The following ZNF626 variants were observed in gnomAD, a reference collection of about 807,000 sequenced individuals.
ZNF626 encodes the protein CTC-513N18.7.
In ZNF626, 4 loss-of-function variants were observed where a neutral mutation model predicts 11.7. The observed-to-expected ratio is 0.34, with a 90% CI of 0.17 to 0.78. The LOEUF is 0.78. Among genes scored for constraint, ZNF626 ranks in the 30% least tolerant of loss-of-function variants. The pLI is 0.57. For synonymous variants in ZNF626, 179 were observed against 198.6 expected, an observed-to-expected ratio of 0.90 and a Z score of 0.83; for missense variants, 588 against 587.1, an observed-to-expected ratio of 1.00 and a Z score of -0.01.
intron 1 of ZNF626, 92 bp downstream of exon 1, chr19:20,661,352 A>G: frequency 1.3e-6 from 2 of 1,515,208 alleles, no homozygotes; most frequent in Admixed American, 3.3e-5. Flanking sequence ...TGTGGAGCTG[A>G]CTGCGGGGAG....
chr19:20,648,594 C>T lies in ZNF626; in HGVS notation c.4-2189G>A, dbSNP rs539228110. Among the ~76,000 whole-genome samples the T allele has an allele frequency of 2.6e-4, 40 of 152,220 alleles. No individual in the cohort carries two copies. In the South Asian group the frequency reaches 8.3e-3, roughly 32 times the overall value. ...GTTTCACCATGTTGACCAGGATGGT[C>T]TTGATCTCCTGCATGATCCACCTGC... On this transcript the variant is annotated intron_variant, in intron 1 of 3. Coordinates refer to ENST00000601440, the MANE Select transcript of ZNF626 (RefSeq NM_001076675.3).
intron 3 of ZNF626, among the ~76,000 whole-genome samples, chr19:20,628,015 T>C (rs991502143): frequency 5.3e-5 from 8 of 152,160 alleles, no homozygotes; most frequent in Non-Finnish European, 1.0e-4. Context: ...CACCTATTAG[T>C]GAGAACATGC....
Position 20,661,553 on chromosome 19 carries a change from T to C in ZNF626, c.-107A>G, listed in dbSNP as rs1332341028. ...TTAGGAGAAGAACCAGACCTGGAGC[T>C]CTGACTGCAGCGAGAGACAAAGGCC... is the stretch of plus-strand genomic sequence containing the variant. On this transcript the variant is annotated 5_prime_UTR_variant, in exon 1 of 4. Coordinates refer to ENST00000601440, the MANE Select transcript of ZNF626 (RefSeq NM_001076675.3). The C allele has an allele frequency of 7.7e-7, 1 of 1,296,590 alleles. No individual in the cohort carries two copies. The highest frequency in any genetic ancestry group is 1.1e-6 in the Non-Finnish European group (1 of 922,252). 80.3% of individuals were successfully genotyped at this position (1,296,590 alleles called of 1,614,324 possible). A position where few individuals can be genotyped will look rare whatever the true frequency, so the allele number is the denominator to read the frequency against.
At chr19:20,659,245 A>ATT (rs1210047844) in intron 1 of ZNF626, among the ~76,000 whole-genome samples, 1 of 147,880 alleles carries the variant, frequency 6.8e-6, no homozygotes, top group African/African-American at 2.5e-5. Context: ...GGTCAAAATA[A>ATT]TTTTTTTTTT....
chr19:20,636,983 G>A (rs115358525), intron 3 of ZNF626, among the ~76,000 whole-genome samples: 3,205 of 131,604 alleles, frequency 0.024, 134 homozygotes, highest in African/African-American at 0.09. Context: ...ATCATGCCAC[G>A]GTACTCCAGC....
At chr19:20,634,849 T>C (rs933064432) in intron 3 of ZNF626, among the ~76,000 whole-genome samples, 2 of 151,314 alleles carry the variant, frequency 1.3e-5, no homozygotes, top group Admixed American at 6.6e-5. Flanking sequence ...CAATTTCTGA[T>C]TTCTAAACAC....
intron 1 of ZNF626, among the ~76,000 whole-genome samples, chr19:20,658,115 A>G (rs1555773317): frequency 6.6e-6 from 1 of 152,178 alleles, no homozygotes; most frequent in African/African-American, 2.4e-5. Context: ...AAAAAAAGAA[A>G]AAAAAAAAAT....
chr19:20,642,550 C>T (rs1331258414), intron 3 of ZNF626, among the ~76,000 whole-genome samples: 2 of 152,060 alleles, frequency 1.3e-5, no homozygotes, highest in South Asian at 2.1e-4. Flanking sequence ...GAGCTGAGAT[C>T]GCGCCAGTGC....
In ZNF626 at chr19:20,624,323, T is replaced by G. The variant is rs1199499496; in HGVS notation, c.1554A>C (p.Ser518=). The change falls in exon 4 of 4, where the codon TCA becomes TCC. Residue 518 remains serine (S), a synonymous_variant. Coordinates refer to ENST00000601440, the MANE Select transcript of ZNF626 (RefSeq NM_001076675.3). ...TGTGTAGTAAGGTGTGAGGACCGCT[T>G]GAAGGCTTTGCCACATTCTTCACAT... The part of the protein sequence containing the change: ...STNVKNVAKP[S]SGPHTLLHIR 6.2e-7 allele frequency: 1 copy of G among 1,612,854 alleles called. No individual in the cohort carries two copies. Among genetic ancestry groups the G allele is most frequent in the African/African-American group, 1.3e-5 (1 of 74,754 alleles).
chr19:20,629,104 A>G (rs1969873485), intron 3 of ZNF626, among the ~76,000 whole-genome samples: 3 of 152,054 alleles, frequency 2.0e-5, no homozygotes, highest in East Asian at 1.9e-4. Flanking sequence ...GGTAAGCGGC[A>G]TTATTTCTGA....
intron 3 of ZNF626, among the ~76,000 whole-genome samples, chr19:20,627,477 T>C (rs1969851139): frequency 1.3e-5 from 2 of 151,076 alleles, no homozygotes; most frequent in South Asian, 4.2e-4. Context: ...CCTGGAAAAA[T>C]ACCAATACAA....
At position 20,625,402 on chromosome 19, in the gene ZNF626, T is replaced by C. The variant is rs1969815828; in HGVS notation, c.475A>G (p.Asn159Asp). 5 of 1,614,138 alleles carry C rather than the reference T, an allele frequency of 3.1e-6. No homozygotes were observed. The highest frequency in any genetic ancestry group is 4.2e-6 in the Non-Finnish European group (5 of 1,180,018). Residue 159 changes from asparagine (N) to aspartate (D), a missense_variant, in exon 4 of 4, where the codon AAT becomes GAT. Transcript: ENST00000601440. The stretch of plus-strand genomic sequence containing the variant: ...TGTCCTCTCTTTTGTCCGTTTGAAT[T>C]TGGAAATTGATGAAGGACTTTCACA... ...KYVKVLHQFP[N>D]SNGQKRGHTG...
rs1969773771 is a variant in ZNF626, at chr19:20,622,899, A to G, written c.*1391T>C. On this transcript the variant is annotated 3_prime_UTR_variant, in exon 4 of 4. Coordinates refer to ENST00000601440, the MANE Select transcript of ZNF626 (RefSeq NM_001076675.3). ...TAAACTCTGCTGTTTTCTAAGCTGT[A>G]GTTTTTTTTTTTTAAAGTGTTTCCA... 7.4e-6 allele frequency: 1 copy of G among 135,942 alleles called. No homozygotes were observed. Among genetic ancestry groups the G allele is most frequent in the Non-Finnish European group, 1.6e-5 (1 of 62,820 alleles). The allele number at this position is 135,942 out of a possible 1,614,324, so 8.4% of individuals were successfully genotyped here.
At chr19:20,633,186 T>A (rs1435901593) in intron 3 of ZNF626, among the ~76,000 whole-genome samples, 3 of 152,182 alleles carry the variant, frequency 2.0e-5, no homozygotes, top group Non-Finnish European at 4.4e-5. Flanking sequence ...CAGGTGTCAG[T>A]CCACCCCTAC....
intron 3 of ZNF626, chr19:20,645,338 C>A: frequency 1.9e-6 from 3 of 1,563,910 alleles, no homozygotes; most frequent in East Asian, 4.6e-5. Context: ...TTCTCAAAAT[C>A]ATGCAGACAT....
chr19:20,629,768 AT>A (rs1969881961), intron 3 of ZNF626, among the ~76,000 whole-genome samples: 1 of 152,046 alleles, frequency 6.6e-6, no homozygotes, highest in Non-Finnish European at 1.5e-5. Flanking sequence ...AATACACTTT[AT>A]TTCCTTCTCC....
rs1311355378 is a variant in ZNF626, at chr19:20,645,777, T to C, written c.133A>G (p.Ile45Val). 3.1e-6 allele frequency: 5 copies of C among 1,603,686 alleles called. No homozygotes were observed. Among genetic ancestry groups the C allele is most frequent in the South Asian group, 2.2e-5 (2 of 88,950 alleles). Residue 45 changes from isoleucine (I) to valine (V), a missense_variant and splice_region_variant, in exon 3 of 4, where the codon ATT becomes GTT. By Grantham distance (29) the Ile-to-Val change is conservative (BLOSUM62 3). Transcript: ENST00000601440. Reference sequence around the variant, plus strand: ...ATCAGGTCTGGCTTAGAAACAGTAATACCTGTTTTATTAAAAATAAATAAC... The same window carrying C: ...ATCAGGTCTGGCTTAGAAACAGTAACACCTGTTTTATTAAAAATAAATAAC... ...ENYSNLVFLG[I>V]TVSKPDLITC...
In ZNF626 at chr19:20,620,045, T is replaced by C. The variant is rs567748591; in HGVS notation, c.*4245A>G. Reference sequence around the variant, plus strand: ...GTCATTTTATACATTCACACACACATAGAACAATAAAAATGTATCCAATTA... The same window carrying C: ...GTCATTTTATACATTCACACACACACAGAACAATAAAAATGTATCCAATTA... On this transcript the variant is annotated 3_prime_UTR_variant, in exon 4 of 4. Coordinates refer to ENST00000601440, the MANE Select transcript of ZNF626 (RefSeq NM_001076675.3). 6 of 152,312 alleles carry C rather than the reference T, an allele frequency of 3.9e-5. No homozygotes were observed. Among genetic ancestry groups the C allele is most frequent in the African/African-American group, 1.2e-4 (5 of 41,560 alleles). 9.4% of individuals were successfully genotyped at this position (152,312 alleles called of 1,614,324 possible).
chr19:20,650,970 C>T (rs1028135637), intron 1 of ZNF626, among the ~76,000 whole-genome samples: 4 of 151,930 alleles, frequency 2.6e-5, no homozygotes, highest in African/African-American at 7.3e-5. Flanking sequence ...AGGTGGATCA[C>T]GAGGTCAGGA....
Sources: gnomAD v4.1 joint callset for allele counts (sites outside exome capture counted in the v4.1 genomes callset) on GRCh38, gnomAD v4.1.1 for gene constraint, MANE v1.5 for transcripts, NCBI Gene and HGNC (gene_info 2026-07-23, HGNC 2026-07-21) for gene names.